WWOX: variants seen among roughly 807,000 people sequenced by gnomAD.
WWOX encodes WW domain containing oxidoreductase.
A neutral mutation model predicts 46.2 loss-of-function variants in WWOX; 69 were observed. That is an observed-to-expected ratio of 1.49 (90% CI 1.23 to 1.82). WWOX has a LOEUF of 1.82. Ranked by LOEUF, WWOX falls within the 40% of genes most tolerant of loss-of-function variation. WWOX has a pLI of 0.00. For missense variants in WWOX, 919 were observed against 542.6 expected, an observed-to-expected ratio of 1.69 and a Z score of -6.89; for synonymous variants, 359 against 202.6, an observed-to-expected ratio of 1.77 and a Z score of -6.56.
intron 8 of WWOX, among the ~76,000 whole-genome samples, chr16:78,516,187 C>T (rs575571599): frequency 9.2e-5 from 14 of 152,178 alleles, no homozygotes; most frequent in Admixed American, 5.2e-4. Flanking sequence ...CAGCTGACAG[C>T]GCCCCGGGAG....
chr16:78,522,822 G>A (rs1252363917), intron 8 of WWOX, among the ~76,000 whole-genome samples: 2 of 152,144 alleles, frequency 1.3e-5, no homozygotes, highest in African/African-American at 2.4e-5. Flanking sequence ...CTGTAATCAC[G>A]GCACTTTGGG....
At chr16:79,036,433 T>G (rs1034171302) in intron 8 of WWOX, among the ~76,000 whole-genome samples, 1 of 152,238 alleles carries the variant, frequency 6.6e-6, no homozygotes, top group Admixed American at 6.5e-5. Context: ...TCCATATAAG[T>G]ATCTGCATTT....
chr16:78,640,432 C>G (rs1171933893), intron 8 of WWOX, among the ~76,000 whole-genome samples: 1 of 151,924 alleles, frequency 6.6e-6, no homozygotes, highest in Non-Finnish European at 1.5e-5. Flanking sequence ...GGTATAGGCT[C>G]ACGTCTCCAC....
At chr16:79,073,150 GTTATTATTATTATTA>G (rs58438039) in intron 8 of WWOX, among the ~76,000 whole-genome samples, 1,572 of 143,102 alleles carry the variant, frequency 0.011, 26 homozygotes, top group African/African-American at 0.037. Flanking sequence ...GTAGTTATTC[GTTATTATTATTATTA>G]TTATTATTAT....
chr16:78,957,094 G>T (rs17635971), intron 8 of WWOX, among the ~76,000 whole-genome samples: 14,980 of 152,086 alleles, frequency 0.098, 801 homozygotes, highest in South Asian at 0.14. Context: ...ATTTGCACTG[G>T]GAAGATAGTA....
At chr16:78,350,933 G>A (rs919884691) in intron 5 of WWOX, among the ~76,000 whole-genome samples, 2 of 57,588 alleles carry the variant, frequency 3.5e-5, no homozygotes, top group East Asian at 2.0e-4. Flanking sequence ...GGAAGGTTCC[G>A]ATTTCTCCAT....
intron 8 of WWOX, among the ~76,000 whole-genome samples, chr16:78,593,736 AAGAGAGAGAGAG>A (rs10596104): frequency 6.9e-6 from 1 of 145,142 alleles, no homozygotes; most frequent in Non-Finnish European, 1.5e-5. Flanking sequence ...TAAAAAAAAA[AAGAGAGAGAGAG>A]AGAGAGAGAC....
In WWOX at chr16:79,083,682, A is replaced by G. The variant is rs569118697; in HGVS notation, c.1057-127926A>G. Among the ~76,000 whole-genome samples the G allele has an allele frequency of 4.1e-4, 62 of 152,318 alleles. 2 individuals carry two copies. Among genetic ancestry groups the G allele is most frequent in the Admixed American group, 2.0e-4 (3 of 15,298 alleles). ...GACAATTGCACGGCACAGAGGGAATATACTGCTACGGTAAACCGATCACTA... is the reference window on the plus strand; with the variant it reads ...GACAATTGCACGGCACAGAGGGAATGTACTGCTACGGTAAACCGATCACTA... On this transcript the variant is annotated intron_variant, in intron 8 of 8. Coordinates refer to ENST00000566780, the MANE Select transcript of WWOX (RefSeq NM_016373.4).
At chr16:78,187,206 C>G (rs1243083125) in intron 5 of WWOX, among the ~76,000 whole-genome samples, 1 of 152,122 alleles carries the variant, frequency 6.6e-6, no homozygotes, top group Non-Finnish European at 1.5e-5. Context: ...CTCTTGGTTC[C>G]TTGTCTGTCT....
chr16:78,415,663 C>T (rs150200229), intron 6 of WWOX, among the ~76,000 whole-genome samples: 15 of 152,112 alleles, frequency 9.9e-5, no homozygotes, highest in South Asian at 2.1e-4. Context: ...TAGAAAGAGA[C>T]GGGGTAGTCA....
At chr16:78,191,662 C>T (rs751398071) in intron 5 of WWOX, among the ~76,000 whole-genome samples, 4 of 152,134 alleles carry the variant, frequency 2.6e-5, no homozygotes, top group Non-Finnish European at 5.9e-5. Flanking sequence ...ATAGATTTCC[C>T]ACATGGGGAA....
intron 8 of WWOX, among the ~76,000 whole-genome samples, chr16:78,717,527 G>A (rs1386274503): frequency 6.6e-6 from 1 of 152,218 alleles, no homozygotes; most frequent in Non-Finnish European, 1.5e-5. Context: ...AGGGTCTGCT[G>A]TGAAGGATGT....
At chr16:78,404,478 C>T (rs750088083) in intron 6 of WWOX, among the ~76,000 whole-genome samples, 1 of 152,094 alleles carries the variant, frequency 6.6e-6, no homozygotes, top group East Asian at 1.9e-4. Context: ...TAATGCCACC[C>T]CAACCCTCCT....
intron 2 of WWOX, among the ~76,000 whole-genome samples, chr16:78,109,235 C>G (rs529437927): frequency 2.6e-5 from 4 of 152,078 alleles, no homozygotes; most frequent in East Asian, 3.9e-4. Flanking sequence ...GCTTGTGATC[C>G]CAGCCCTTTG....
At chr16:79,094,537 C>T (rs370445835) in intron 8 of WWOX, among the ~76,000 whole-genome samples, 32 of 152,310 alleles carry the variant, frequency 2.1e-4, no homozygotes, top group African/African-American at 7.2e-4. Flanking sequence ...CGGGTGTGAG[C>T]CACCGCACCA....
intron 8 of WWOX, among the ~76,000 whole-genome samples, chr16:79,072,664 G>T (rs1186757892): frequency 1.3e-5 from 2 of 152,160 alleles, no homozygotes; most frequent in African/African-American, 4.8e-5. Context: ...TGTTTTAGCT[G>T]TCATCTTCAT....
rs908052144 is a variant in WWOX at position 78,544,862 on chromosome 16, G to A, written c.1056+112110G>A. Reference sequence around the variant, plus strand: ...TGCACTCTAGCATGCGTGACAGAGTGAGACTATCTCAAAAAAGAAAAAATG... The same window carrying A: ...TGCACTCTAGCATGCGTGACAGAGTAAGACTATCTCAAAAAAGAAAAAATG... On this transcript the variant is annotated intron_variant, in intron 8 of 8. Coordinates refer to ENST00000566780, the MANE Select transcript of WWOX (RefSeq NM_016373.4). Among the ~76,000 whole-genome samples, 63 of 151,962 alleles carry A rather than the reference G, an allele frequency of 4.1e-4. 1 individual carries two copies. The highest frequency in any genetic ancestry group is 1.4e-3 in the African/African-American group (59 of 41,410).
At chr16:78,657,895 G>C (rs1048055337) in intron 8 of WWOX, among the ~76,000 whole-genome samples, 5 of 152,040 alleles carry the variant, frequency 3.3e-5, no homozygotes, top group African/African-American at 1.2e-4. Flanking sequence ...GGCGGTGATT[G>C]TTCTCATTAG....
chr16:78,594,618 G>A (rs1463377266), intron 8 of WWOX, among the ~76,000 whole-genome samples: 1 of 152,076 alleles, frequency 6.6e-6, no homozygotes, highest in East Asian at 1.9e-4. Flanking sequence ...GTTGTTTCCA[G>A]AAAGGGATGA....
Sources: gnomAD v4.1 joint callset for allele counts (sites outside exome capture counted in the v4.1 genomes callset) on GRCh38, gnomAD v4.1.1 for gene constraint, MANE v1.5 for transcripts, NCBI Gene and HGNC (gene_info 2026-07-23, HGNC 2026-07-21) for gene names.